TEX15: variants seen among roughly 807,000 people sequenced by gnomAD.
TEX15 encodes testis expressed 15, meiosis and synapsis associated.
TEX15 carries 171 observed loss-of-function variants against 237.3 expected under a neutral mutation model. The observed-to-expected ratio is 0.72, with a 90% CI of 0.64 to 0.82. The LOEUF (loss-of-function observed/expected upper bound fraction) is 0.82, where lower values mean the gene tolerates loss of function less well. TEX15 is among the 40% of genes least tolerant of loss of function. TEX15 has a pLI of 0.00. For missense variants in TEX15, 3,750 were observed against 3,646.5 expected (o/e 1.03, Z -0.73); for synonymous variants, 1,338 against 1,269.8 (o/e 1.05, Z -1.14).
At position 30,837,258 on chromosome 8, in the gene TEX15, A is replaced by G. The variant is rs2128766154; in HGVS notation, c.9026T>C (p.Met3009Thr). ...ATTCCAATATGTGGCAGCATTCTGC[A>G]TTAGGACTTTTGAATTTTTGTCATT... The part of the protein sequence containing the change: ...QQNDKNSKVL[M>T]QNAATYWNEL... The change falls in exon 10 of 11, where the codon ATG becomes ACG. Residue 3009 changes from methionine to threonine, a missense_variant. Physicochemically the swap from Met to Thr is moderately conservative, Grantham distance 81 (BLOSUM62 -1). Transcript: ENST00000643185. The G allele has an allele frequency of 3.7e-6, 6 of 1,614,212 alleles. No individual in the cohort carries two copies. Among genetic ancestry groups the G allele is most frequent in the East Asian group, 4.5e-5 (2 of 44,888 alleles).
rs576752723 is a variant in TEX15, at chr8:30,901,614, C to T, written c.-85-2797G>A. Among the ~76,000 whole-genome samples the T allele has an allele frequency of 1.4e-4, 21 of 151,990 alleles. 1 individual carries two copies. In the South Asian group the frequency reaches 1.5e-3, roughly 11 times the overall value. The stretch of plus-strand genomic sequence containing the variant: ...AGATAAACAATATCAACTTAAGCAA[C>T]GTATGTTTGAGTATATAATAATATT... On this transcript the variant is annotated intron_variant, in intron 1 of 10. Coordinates refer to ENST00000643185, the MANE Select transcript of TEX15 (RefSeq NM_001350162.2).
At chr8:30,841,959 T>C (rs199685964) in intron 8 of TEX15, 45 bp downstream of exon 8, 2 of 1,385,752 alleles carry the variant, frequency 1.4e-6, no homozygotes, top group Non-Finnish European at 1.9e-6. Flanking sequence ...TAGACTTGTT[T>C]TCAAAAAGAA....
chr8:30,905,905 AAAAAC>A (rs1427803706), intron 1 of TEX15, among the ~76,000 whole-genome samples: 1 of 151,914 alleles, frequency 6.6e-6, no homozygotes, highest in East Asian at 1.9e-4. Flanking sequence ...CCCTGTCTCA[AAAAAC>A]AAAACAAACA....
chr8:30,833,369 A>C, intron 10 of TEX15, 46 bp from the exon 11 acceptor site: 1 of 1,405,756 alleles, frequency 7.1e-7, no homozygotes, highest in Non-Finnish European at 9.9e-7. Flanking sequence ...AATTTAGACT[A>C]ATGGTACATG....
intron 1 of TEX15, among the ~76,000 whole-genome samples, chr8:30,901,112 TG>T (rs1297680720): frequency 6.6e-6 from 1 of 152,212 alleles, no homozygotes; most frequent in Non-Finnish European, 1.5e-5. Context: ...CACTCCAGCC[TG>T]GTTGACAGAA....
In TEX15 at chr8:30,844,792, T is replaced by A. The variant is rs765045721; in HGVS notation, c.5375A>T (p.Glu1792Val). 6.2e-7 allele frequency: 1 copy of A among 1,613,490 alleles called. No homozygotes were observed. Among genetic ancestry groups the A allele is most frequent in the South Asian group, 1.1e-5 (1 of 91,060 alleles). Residue 1792 changes from glutamate to valine, a missense_variant, in exon 8 of 11, where the codon GAG becomes GTG. Glu to Val is a moderately radical substitution (Grantham distance 121). Transcript: ENST00000643185. ...TTCAGTTCCTGATGCTACATCCAACTCATAATTCTCAGTGACATTTGTTTC... is the reference window on the plus strand; with the variant it reads ...TTCAGTTCCTGATGCTACATCCAACACATAATTCTCAGTGACATTTGTTTC... ...GNETNVTENY[E>V]LDVASGTEED...
chr8:30,844,917 T>C lies in TEX15; in HGVS notation c.5250A>G (p.Ala1750=). ...GCTCACAGTGTGGTACAGTACTGGA[T>C]GCTGCAAAAGAATCTACAGTAAGAA... ...QRILTVDSFA[A]SSTVPHCEQS... The change falls in exon 8 of 11, where the codon GCA becomes GCG. Residue 1750 remains alanine, a synonymous_variant. Transcript: ENST00000643185. 1 of 1,613,534 alleles carries C rather than the reference T, an allele frequency of 6.2e-7. No individual in the cohort carries two copies. Among genetic ancestry groups the C allele is most frequent in the Admixed American group, 1.7e-5 (1 of 59,976 alleles).
In TEX15 at chr8:30,863,685, C is replaced by A. The variant is rs146710783; in HGVS notation, c.540+3580G>T. 3.0e-4 allele frequency among the ~76,000 whole-genome samples: 45 copies of A among 151,734 alleles called. No individual in the cohort carries two copies. In the South Asian group the frequency reaches 6.4e-3, roughly 22 times the overall value. On this transcript the variant is annotated intron_variant, in intron 5 of 10. Transcript: ENST00000643185. Reference sequence around the variant, plus strand: ...TGCAGCCAGACATAAAAAAAAAATACTACTCAAAAGCAACTACAGATACAG... The same window carrying A: ...TGCAGCCAGACATAAAAAAAAAATAATACTCAAAAGCAACTACAGATACAG...
At chr8:30,854,254 C>A in intron 7 of TEX15, among the ~76,000 whole-genome samples, 1 of 133,110 alleles carries the variant, frequency 7.5e-6, no homozygotes, top group South Asian at 2.3e-4. Flanking sequence ...TTTAACCTGA[C>A]TGACCAAAAA....
chr8:30,912,441 G>A (rs1283233854), intron 1 of TEX15, among the ~76,000 whole-genome samples: 30 of 152,050 alleles, frequency 2.0e-4, no homozygotes, highest in Admixed American at 1.9e-3. Flanking sequence ...TACAAACTGC[G>A]CCTCCAGGGA....
rs77222201 is a variant in TEX15, at chr8:30,885,919, T to C, written c.136+1248A>G. Among the ~76,000 whole-genome samples the C allele has an allele frequency of 8.0e-3, 1,216 of 152,320 alleles. 19 individuals are homozygous for C. The highest frequency in any genetic ancestry group is 0.028 in the African/African-American group (1,163 of 41,560). ...AGTTCTAAGTCTTCTATTCAGTTAT[T>C]ACATATTTCATTTCTTTGATGAGAT... On this transcript the variant is annotated intron_variant, in intron 3 of 10. Coordinates refer to ENST00000643185, the MANE Select transcript of TEX15 (RefSeq NM_001350162.2).
In TEX15 at chr8:30,837,208, G is replaced by T; in HGVS notation, c.9076C>A (p.Pro3026Thr). ...AAATGCTCAGAAGAATTATATGTTG[G>T]GTTACATGCAGACTGTGGAAGTTCA... ...WNELPQSACN[P>T]TYNSSEHLFG... Residue 3026 changes from proline to threonine, a missense_variant, in exon 10 of 11, where the codon CCA becomes ACA. By Grantham distance (38) the Pro-to-Thr change is conservative (BLOSUM62 -1). Coordinates refer to ENST00000643185, the MANE Select transcript of TEX15 (RefSeq NM_001350162.2). The T allele has an allele frequency of 6.2e-7, 1 of 1,614,116 alleles. No individual in the cohort carries two copies. The highest frequency in any genetic ancestry group is 1.1e-5 in the South Asian group (1 of 91,080).
chr8:30,883,192 C>G (rs566313502), intron 3 of TEX15, among the ~76,000 whole-genome samples: 1 of 151,896 alleles, frequency 6.6e-6, no homozygotes, highest in Non-Finnish European at 1.5e-5. Flanking sequence ...CTCACTGCAG[C>G]CTTGAACTTC....
chr8:30,908,520 A>T (rs751565781), intron 1 of TEX15, among the ~76,000 whole-genome samples: 1 of 152,228 alleles, frequency 6.6e-6, no homozygotes, highest in Non-Finnish European at 1.5e-5. Flanking sequence ...TTAAATGCTT[A>T]CATGAGCTTG....
chr8:30,840,397 T>C (rs566526192), intron 8 of TEX15, among the ~76,000 whole-genome samples: 1 of 152,184 alleles, frequency 6.6e-6, no homozygotes, highest in Non-Finnish European at 1.5e-5. Flanking sequence ...GGATTCACTA[T>C]GTTGGTCAGG....
Position 30,837,183 on chromosome 8 carries a change from A to G in TEX15, c.9101T>C (p.Leu3034Ser). ...CNPTYNSSEH[L>S]FGTSYPYSAW... ...AGAGTATGGATATGAAGTTCCAAAT[A>G]AATGCTCAGAAGAATTATATGTTGG... The change falls in exon 10 of 11, where the codon TTA becomes TCA. Residue 3034 changes from leucine (L) to serine (S), a missense_variant. Leu to Ser is a moderately radical substitution (Grantham distance 145, BLOSUM62 -2). Transcript: ENST00000643185. 1 of 1,614,174 alleles carries G rather than the reference A, an allele frequency of 6.2e-7. No homozygotes were observed. Among genetic ancestry groups the G allele is most frequent in the Non-Finnish European group, 8.5e-7 (1 of 1,180,022 alleles).
At position 30,837,912 on chromosome 8, in the gene TEX15, C is replaced by T. The variant is rs1807347288; in HGVS notation, c.8372G>A (p.Cys2791Tyr). The part of the protein sequence containing the change: ...LLPLENPKDT[C>Y]ASKSESKIDL... Reference sequence around the variant, plus strand: ...TATTTTGCTTTCCGACTTTGATGCGCAAGTGTCTTTTGGGTTCTCTAAGGG... The same window carrying T: ...TATTTTGCTTTCCGACTTTGATGCGTAAGTGTCTTTTGGGTTCTCTAAGGG... Residue 2791 changes from cysteine to tyrosine, a missense_variant, in exon 10 of 11, where the codon TGC becomes TAC. Transcript: ENST00000643185. 6.2e-7 allele frequency: 1 copy of T among 1,614,024 alleles called. No individual in the cohort carries two copies. The highest frequency in any genetic ancestry group is 8.5e-7 in the Non-Finnish European group (1 of 1,180,032).
chr8:30,847,719 T>C lies in TEX15; in HGVS notation c.2448A>G (p.Ser816=). The C allele has an allele frequency of 1.2e-6, 2 of 1,613,896 alleles. No homozygotes were observed. The highest frequency in any genetic ancestry group is 8.5e-7 in the Non-Finnish European group (1 of 1,179,922). The change falls in exon 8 of 11, where the codon TCA becomes TCG. Residue 816 remains serine, a synonymous_variant. Transcript: ENST00000643185. ...TATAGTCTCTCTGAATGTTCTCTAA[T>C]GACACTGGTTCATTTTCATTTTTCC... ...VHRKNENEPV[S]LENIQRDYKE...
In TEX15 at chr8:30,842,528, C is replaced by T. The variant is rs576933384; in HGVS notation, c.7639G>A (p.Glu2547Lys). ...AGAAGCTTTTTTATTTCTGAAAGTT[C>T]TTGAAGTTCTCTTGAGAGCAAATGA... ...AIHLLSRELQ[E>K]LSEIKKLLKK... The change falls in exon 8 of 11, where the codon GAA becomes AAA. Residue 2547 changes from glutamate (E) to lysine (K), a missense_variant. Physicochemically the swap from Glu to Lys is moderately conservative, Grantham distance 56. Coordinates refer to ENST00000643185, the MANE Select transcript of TEX15 (RefSeq NM_001350162.2). 2 of 1,611,200 alleles carry T rather than the reference C, an allele frequency of 1.2e-6. No individual in the cohort carries two copies. The highest frequency in any genetic ancestry group is 2.7e-5 in the African/African-American group (2 of 74,918).
Sources: allele counts gnomAD v4.1 joint callset (sites outside exome capture counted in the v4.1 genomes callset), GRCh38; gene constraint gnomAD v4.1.1; transcripts MANE v1.5; gene names NCBI Gene and HGNC (gene_info 2026-07-23, HGNC 2026-07-21).